Variants in MYH2 observed in about 807,000 individuals in gnomAD.
MYH2 encodes myosin heavy chain 2, also known as myosin-2.
A neutral mutation model predicts 228.1 loss-of-function variants in MYH2; 139 were observed. The observed-to-expected ratio is 0.61, with a 90% confidence interval of 0.53 to 0.70. MYH2 has a LOEUF of 0.70. Among genes scored for constraint, MYH2 ranks in the 30% least tolerant of loss-of-function variants. The pLI is 0.00. For missense variants in MYH2, 1,809 were observed against 2,357.5 expected (o/e 0.77, Z 4.82); for synonymous variants, 796 against 871.1 (o/e 0.91, Z 1.52).
Position 10,538,575 on chromosome 17 carries a change from G to A in MYH2, c.1416+630C>T, listed in dbSNP as rs184443128. Among the ~76,000 whole-genome samples the A allele has an allele frequency of 2.1e-3, 322 of 151,390 alleles. 1 individual carries two copies. The highest frequency in any genetic ancestry group is 4.2e-3 in the Non-Finnish European group (283 of 67,888). ...CAGGAGAATGGCGTGAACCCAGGAG[G>A]CGGAGCTTGCAGTGAGCCGAGATCA... On this transcript the variant is annotated intron_variant, in intron 14 of 39. Coordinates refer to ENST00000245503, the MANE Select transcript of MYH2 (RefSeq NM_017534.6).
intron 17 of MYH2, among the ~76,000 whole-genome samples, chr17:10,536,214 T>C (rs575306437): frequency 6.4e-4 from 98 of 152,274 alleles, no homozygotes; most frequent in African/African-American, 2.3e-3. Flanking sequence ...TTGGGTACAG[T>C]GTACACTGCT....
intron 2 of MYH2, among the ~76,000 whole-genome samples, chr17:10,548,501 A>T (rs185257488): frequency 2.8e-4 from 42 of 152,354 alleles, no homozygotes; most frequent in Non-Finnish European, 4.6e-4. Context: ...CTGTTCAGCC[A>T]GATTTGTTGA....
In MYH2 at chr17:10,527,639, T is replaced by A. The variant is rs1410640905; in HGVS notation, c.3871+109A>T. 9.0e-6 allele frequency: 14 copies of A among 1,548,314 alleles called. No individual in the cohort carries two copies. In the African/African-American group the frequency reaches 1.9e-4, roughly 21 times the overall value. On this transcript the variant is annotated intron_variant, in intron 28 of 39. Coordinates refer to ENST00000245503, the MANE Select transcript of MYH2 (RefSeq NM_017534.6). The stretch of plus-strand genomic sequence containing the variant: ...TCAGGTGTCTGAGCTGTTCAGTGAA[T>A]CAGACATGTTCTCAGCTGTTTTATT...
chr17:10,530,384 A>T (rs2073410869), intron 22 of MYH2, among the ~76,000 whole-genome samples: 1 of 152,218 alleles, frequency 6.6e-6, no homozygotes, highest in African/African-American at 2.4e-5. Context: ...GTTGGATCAG[A>T]GATGGTTTCA....
At chr17:10,545,603 C>A in intron 4 of MYH2, 101 bp from the exon 5 acceptor site, 2 of 1,498,884 alleles carry the variant, frequency 1.3e-6, no homozygotes, top group South Asian at 2.3e-5. Context: ...CTTGCTCTGT[C>A]ACCCAGGCTG....
In MYH2 at chr17:10,535,126, G is replaced by A. The variant is rs892316307; in HGVS notation, c.2127C>T (p.Arg709=). Residue 709 remains arginine (R), a synonymous_variant, in exon 19 of 40, where the codon CGC becomes CGT. Transcript: ENST00000245503. ...LRCNGVLEGI[R]ICRKGFPSRI... ...TGCTTGGAAATCCTTTCCTACAGAT[G>A]CGGATGCCTTCCAGCACACCGTTAC... 6.2e-7 allele frequency: 1 copy of A among 1,614,146 alleles called. No homozygotes were observed. The highest frequency in any genetic ancestry group is 1.7e-5 in the Admixed American group (1 of 60,030).
Position 10,529,578 on chromosome 17 carries a change from G to T in MYH2, c.3103C>A (p.Gln1035Lys), listed in dbSNP as rs2073399296. The change falls in exon 24 of 40, where the codon CAA (glutamine) becomes AAA (lysine). Residue 1035 changes from glutamine (Q) to lysine (K), a missense_variant. Physicochemically the swap from Gln to Lys is moderately conservative, Grantham distance 53. Around this residue, in one of 9 missense-constraint regions of MYH2, gnomAD observed 636 missense variants for 729.9 expected, o/e 0.87. Transcript: ENST00000245503. ...TLTKAKIKLE[Q>K]QVDDLEGSLE... The stretch of plus-strand genomic sequence containing the variant: ...ACCAGACTTACATCATCCACTTGTT[G>T]TTCAAGTTTGATTTTAGCTTTGGTC... The T allele has an allele frequency of 3.7e-6, 6 of 1,614,132 alleles. No homozygotes were observed. The highest frequency in any genetic ancestry group is 5.1e-6 in the Non-Finnish European group (6 of 1,180,032).
At position 10,545,339 on chromosome 17, in the gene MYH2, C is replaced by G; in HGVS notation, c.505+7G>C. ...TTACGCACTTGCAAAGCATTCGGCT[C>G]ACTCACCAGTCAGCATGAACTGATA... On this transcript the variant is annotated splice_region_variant and intron_variant, in intron 5 of 39. Coordinates refer to ENST00000245503, the MANE Select transcript of MYH2 (RefSeq NM_017534.6). The G allele has an allele frequency of 6.2e-7, 1 of 1,613,278 alleles. No individual in the cohort carries two copies. The highest frequency in any genetic ancestry group is 8.5e-7 in the Non-Finnish European group (1 of 1,179,862).
chr17:10,533,932 T>C (rs1188761759), intron 19 of MYH2, among the ~76,000 whole-genome samples: 1 of 152,198 alleles, frequency 6.6e-6, no homozygotes, highest in African/African-American at 2.4e-5. Context: ...ATCTGTTATC[T>C]TTACTAGATG....
Position 10,526,693 on chromosome 17 carries a change from T to G in MYH2, c.4093A>C (p.Arg1365=). 1 of 1,614,136 alleles carries G rather than the reference T, an allele frequency of 6.2e-7. No individual in the cohort carries two copies. The highest frequency in any genetic ancestry group is 8.5e-7 in the Non-Finnish European group (1 of 1,179,952). The part of the protein sequence containing the change: ...EEQESKAELQ[R]ALSKANTEVA... ...TCGGTGTTGGCCTTGGACAGTGCTC[T>G]CTGCAGCTCGGCCTTGGATTCCTGC... is the stretch of plus-strand genomic sequence containing the variant. Residue 1365 remains arginine, a synonymous_variant, in exon 30 of 40, where the codon AGA becomes CGA. Transcript: ENST00000245503.
At chr17:10,531,554 C>T (rs1174815675) in intron 22 of MYH2, 79 bp downstream of exon 22, 7 of 1,596,328 alleles carry the variant, frequency 4.4e-6, no homozygotes, top group Non-Finnish European at 6.0e-6. Context: ...TTGCAATTAC[C>T]CAACTCATGG....
chr17:10,525,124 G>T lies in MYH2; in HGVS notation c.4663-59C>A. On this transcript the variant is annotated intron_variant, in intron 33 of 39. Coordinates refer to ENST00000245503, the MANE Select transcript of MYH2 (RefSeq NM_017534.6). The surrounding 1 kb of genome is among the most constrained non-coding windows in gnomAD (Gnocchi z 4.2). ...ACCAAAAGCTTTATGAAGTTTTTCT[G>T]CACAGCAATAATTTTGTGCTATGTG... 6.2e-7 allele frequency: 1 copy of T among 1,613,886 alleles called. No homozygotes were observed. Among genetic ancestry groups the T allele is most frequent in the Non-Finnish European group, 8.5e-7 (1 of 1,179,900 alleles).
At position 10,547,525 on chromosome 17, in the gene MYH2, G is replaced by T. The variant is rs547953227; in HGVS notation, c.298C>A (p.Pro100Thr). The change falls in exon 4 of 40, where the codon CCT becomes ACT. Residue 100 changes from proline to threonine, a missense_variant. Pro to Thr is a conservative substitution (Grantham distance 38). This residue lies in a region of MYH2 where 373 missense variants were observed against 620.4 expected (regional missense o/e 0.60). Coordinates refer to ENST00000245503, the MANE Select transcript of MYH2 (RefSeq NM_017534.6). Reference protein sequence around the residue: ...DMAMMTHLHEPAVLYNLKERY... With the variant: ...DMAMMTHLHETAVLYNLKERY... ...TCTTTGAGGTTGTACAGCACAGCAG[G>T]CTCATGCAGATGAGTCATCATGGCC... 2 of 1,614,116 alleles carry T rather than the reference G, an allele frequency of 1.2e-6. No homozygotes were observed.
In MYH2 at chr17:10,547,499, T is replaced by C. The variant is rs12600539; in HGVS notation, c.324A>G (p.Glu108=). 707,003 of 1,613,458 alleles carry C rather than the reference T, an allele frequency of 0.44. 162,166 individuals are homozygous for C. The highest frequency in any genetic ancestry group is 0.84 in the East Asian group (37,717 of 44,848). Residue 108 remains glutamate (E), a synonymous_variant, in exon 4 of 40, where the codon GAA becomes GAG. Transcript: ENST00000245503. ...CGTAGATCATCCAGGCTGCATAACG[T>C]TCTTTGAGGTTGTACAGCACAGCAG... ...HEPAVLYNLK[E]RYAAWMIYTY...
chr17:10,525,977 T>C lies in MYH2; in HGVS notation c.4188-101A>G. ...AGTGTTAGAAACTTCACATTAATGC[T>C]GCCCAGCCACCTTTCATTCTTTCAA... On this transcript the variant is annotated intron_variant, in intron 30 of 39. Transcript: ENST00000245503. This position sits in a 1 kb window ranked among gnomAD's most constrained non-coding sequence, Gnocchi z 4.2. 8 of 1,289,866 alleles carry C rather than the reference T, an allele frequency of 6.2e-6. No individual in the cohort carries two copies. Among genetic ancestry groups the C allele is most frequent in the Non-Finnish European group, 8.7e-6 (8 of 920,454 alleles). The allele number at this position is 1,289,866 out of a possible 1,614,324, so 79.9% of individuals were successfully genotyped here. A position where few individuals can be genotyped will look rare whatever the true frequency, so the allele number is the denominator to read the frequency against.
chr17:10,524,847 G>A lies in MYH2; in HGVS notation c.4881C>T (p.Asp1627=). Residue 1627 remains aspartate (D), a synonymous_variant, in exon 34 of 40, where the codon GAC becomes GAT. Coordinates refer to ENST00000245503, the MANE Select transcript of MYH2 (RefSeq NM_017534.6). This position sits in a 1 kb window ranked among gnomAD's most constrained non-coding sequence, Gnocchi z 4.7. The part of the protein sequence containing the change: ...AIRLKKKMEG[D]LNEMEIQLNH... ...TCAGCTGGATTTCCATTTCATTGAG[G>A]TCTCCCTCCATCTTCTTCTTGAGCC... 3 of 1,614,012 alleles carry A rather than the reference G, an allele frequency of 1.9e-6. No homozygotes were observed. The highest frequency in any genetic ancestry group is 2.5e-6 in the Non-Finnish European group (3 of 1,180,014).
At chr17:10,535,250 T>C in intron 18 of MYH2, 28 bp downstream of exon 18, 1 of 1,613,982 alleles carries the variant, frequency 6.2e-7, no homozygotes, top group Non-Finnish European at 8.5e-7. Context: ...GCAGTCATCC[T>C]TTGCACTTTC....
Position 10,524,895 on chromosome 17 carries a change from G to T in MYH2, c.4833C>A (p.Ile1611=), listed in dbSNP as rs758698087. 2 of 1,614,006 alleles carry T rather than the reference G, an allele frequency of 1.2e-6. No homozygotes were observed. Among genetic ancestry groups the T allele is most frequent in the South Asian group, 1.1e-5 (1 of 91,072 alleles). ...GCCTAATGGCATCATTCCTACTCCT[G>T]ATCTCAGCATCCAGCGTGCTCTGCA... is the stretch of plus-strand genomic sequence containing the variant. The part of the protein sequence containing the change: ...ESMQSTLDAE[I]RSRNDAIRLK... Residue 1611 remains isoleucine, a synonymous_variant, in exon 34 of 40, where the codon ATC becomes ATA. Transcript: ENST00000245503. The surrounding 1 kb of genome is among the most constrained non-coding windows in gnomAD (Gnocchi z 4.7).
chr17:10,524,586 G>A lies in MYH2; in HGVS notation c.5055C>T (p.Asn1685=), dbSNP rs760227750. The A allele has an allele frequency of 1.9e-6, 3 of 1,614,080 alleles. No homozygotes were observed. Among genetic ancestry groups the A allele is most frequent in the African/African-American group, 1.3e-5 (1 of 74,938 alleles). Residue 1685 remains asparagine (N), a synonymous_variant, in exon 35 of 40, where the codon AAC becomes AAT. Transcript: ENST00000245503. This position sits in a 1 kb window ranked among gnomAD's most constrained non-coding sequence, Gnocchi z 4.7. ...EQLAMVERRA[N]LLQAEIEELR... is the part of the protein sequence containing the mutation. ...GCTCCTCGATCTCAGCCTGCAGCAGGTTGGCTCTGCGCTCCACCATGGCCA... is the reference window on the plus strand; with the variant it reads ...GCTCCTCGATCTCAGCCTGCAGCAGATTGGCTCTGCGCTCCACCATGGCCA...
Sources: gnomAD v4.1 joint callset for allele counts (sites outside exome capture counted in the v4.1 genomes callset) on GRCh38, gnomAD v4.1.1 for gene constraint, gnomAD v4.1.1 regional missense constraint, Gnocchi (gnomAD v3.1) non-coding constraint, MANE v1.5 for transcripts, NCBI Gene and HGNC (gene_info 2026-07-23, HGNC 2026-07-21) for gene names.